PSKH2: variants seen among roughly 807,000 people sequenced by gnomAD.
PSKH2 encodes the protein serine/threonine-protein kinase H2.
Under a neutral mutation model 22.5 loss-of-function variants are expected in PSKH2, and 16 were observed. The ratio of observed to expected loss-of-function variants is 0.71; its 90% CI spans 0.48 to 1.08. The LOEUF is 1.08. Among genes scored for constraint, PSKH2 ranks in the 50% least tolerant of loss-of-function variants. The pLI, the probability that PSKH2 is intolerant of heterozygous loss-of-function variation, is 0.00. For synonymous variants in PSKH2, 188 were observed against 184.8 expected (o/e 1.02, Z -0.14); for missense variants, 516 against 492.8 (o/e 1.05, Z -0.44).
intron 2 of PSKH2, among the ~76,000 whole-genome samples, chr8:86,050,968 C>T (rs1817622352): frequency 6.6e-6 from 1 of 152,030 alleles, no homozygotes; most frequent in Non-Finnish European, 1.5e-5. Context: ...GACTTGAACT[C>T]CTCCTGGTCT....
intron 2 of PSKH2, among the ~76,000 whole-genome samples, chr8:86,051,462 G>A (rs1817629227): frequency 6.6e-6 from 1 of 152,092 alleles, no homozygotes; most frequent in African/African-American, 2.4e-5. Context: ...TTAGGTAAAT[G>A]AGACATGAGA....
chr8:86,053,871 G>A (rs1044546491), intron 2 of PSKH2, among the ~76,000 whole-genome samples: 1 of 152,090 alleles, frequency 6.6e-6, no homozygotes, highest in African/African-American at 2.4e-5. Context: ...GTGAGACACT[G>A]TCTCTACATA....
chr8:86,068,739 AC>A (rs1198256086), intron 1 of PSKH2, among the ~76,000 whole-genome samples: 17 of 152,170 alleles, frequency 1.1e-4, no homozygotes, highest in Admixed American at 1.1e-3. Context: ...AAGATCCTTC[AC>A]ACACCAGGTC....
chr8:86,069,383 A>T, intron 1 of PSKH2, 55 bp downstream of exon 1: 2 of 1,470,916 alleles, frequency 1.4e-6, no homozygotes, highest in Non-Finnish European at 1.8e-6. Context: ...GGTCTTGGCC[A>T]GGGGTTTTTC....
Position 86,064,633 on chromosome 8 carries a change from T to G in PSKH2, c.186-2A>C, listed in dbSNP as rs771223718. ...CCAATAAGAGCTTTGATGTCATATC[T>G]GTTGGGAAGAAAAACCAAACATGTT... On this transcript the variant is annotated splice_acceptor_variant, in intron 1 of 2. Transcript: ENST00000276616. LOFTEE classifies it high-confidence loss of function. The G allele has an allele frequency of 4.4e-6, 7 of 1,603,018 alleles. No individual in the cohort carries two copies. The highest frequency in any genetic ancestry group is 6.0e-6 in the Non-Finnish European group (7 of 1,175,914).
At chr8:86,049,747 A>G (rs199769142) in intron 2 of PSKH2, among the ~76,000 whole-genome samples, 2,237 of 11,364 alleles carry the variant, frequency 0.2, 209 homozygotes, top group East Asian at 0.39. Context: ...AGAAAGAAAG[A>G]AACGAAAGAA....
At chr8:86,064,833 G>T (rs187050220) in intron 1 of PSKH2, among the ~76,000 whole-genome samples, 1 of 152,180 alleles carries the variant, frequency 6.6e-6, no homozygotes, top group Admixed American at 6.5e-5. Flanking sequence ...AAGGTAATTT[G>T]TTGGTAGAAA....
At chr8:86,055,849 C>T (rs1208466296) in intron 2 of PSKH2, among the ~76,000 whole-genome samples, 1 of 152,078 alleles carries the variant, frequency 6.6e-6, no homozygotes, top group Non-Finnish European at 1.5e-5. Flanking sequence ...CATGTTACTT[C>T]TAAAAGAGAA....
rs1264988008 is a variant in PSKH2, at chr8:86,069,619, C to T, written c.4G>A (p.Gly2Arg). 2 of 1,571,698 alleles carry T rather than the reference C, an allele frequency of 1.3e-6. No homozygotes were observed. Among genetic ancestry groups the T allele is most frequent in the Non-Finnish European group, 1.7e-6 (2 of 1,162,866 alleles). The change falls in exon 1 of 3, where the codon GGG (glycine) becomes AGG (arginine). Residue 2 changes from glycine (G) to arginine (R), a missense_variant. Coordinates refer to ENST00000276616, the MANE Select transcript of PSKH2 (RefSeq NM_033126.3). M[G>R]CGASRKVVPG... ...ACCACCTTCCTGCTGGCGCCGCACCCCATACCCGCAACACGCCCGCCGCTC... is the reference window on the plus strand; with the variant it reads ...ACCACCTTCCTGCTGGCGCCGCACCTCATACCCGCAACACGCCCGCCGCTC...
chr8:86,060,857 G>T (rs1465626572), intron 2 of PSKH2, among the ~76,000 whole-genome samples: 1 of 152,188 alleles, frequency 6.6e-6, no homozygotes, highest in Non-Finnish European at 1.5e-5. Context: ...AACAGAGGGT[G>T]CCTTGCACCT....
At chr8:86,048,929 C>A (rs1349691864) in intron 2 of PSKH2, among the ~76,000 whole-genome samples, 162 bp from the exon 3 acceptor site, 1 of 152,076 alleles carries the variant, frequency 6.6e-6, no homozygotes, top group Non-Finnish European at 1.5e-5. Flanking sequence ...TATAGAGGAA[C>A]TAAACCACTT....
chr8:86,049,254 C>T (rs1817575554), intron 2 of PSKH2, among the ~76,000 whole-genome samples: 1 of 152,124 alleles, frequency 6.6e-6, no homozygotes, highest in East Asian at 1.9e-4. Flanking sequence ...TCAACTTTTC[C>T]CTCCCTTTGA....
intron 2 of PSKH2, among the ~76,000 whole-genome samples, chr8:86,060,497 T>C (rs577712097): frequency 9.6e-4 from 146 of 152,292 alleles, no homozygotes; most frequent in Non-Finnish European, 1.9e-3. Flanking sequence ...CATGATGATA[T>C]ACTTTTCTGA....
At chr8:86,062,637 A>G (rs1441340622) in intron 2 of PSKH2, among the ~76,000 whole-genome samples, 1 of 152,032 alleles carries the variant, frequency 6.6e-6, no homozygotes, top group Admixed American at 6.6e-5. Context: ...AGAAGGTCCA[A>G]GCTTGCTTCC....
intron 2 of PSKH2, among the ~76,000 whole-genome samples, chr8:86,053,076 C>A (rs908581319): frequency 3.3e-5 from 5 of 152,196 alleles, no homozygotes; most frequent in Admixed American, 3.3e-4. Context: ...TCAGAGAAGT[C>A]AGAAATGATT....
intron 1 of PSKH2, among the ~76,000 whole-genome samples, chr8:86,068,683 G>A (rs942451513): frequency 6.6e-6 from 1 of 152,090 alleles, no homozygotes; most frequent in Non-Finnish European, 1.5e-5. Flanking sequence ...ACTCAAAGGC[G>A]CATCTCTAGT....
At chr8:86,060,877 G>C (rs1817768085) in intron 2 of PSKH2, among the ~76,000 whole-genome samples, 1 of 152,152 alleles carries the variant, frequency 6.6e-6, no homozygotes, top group Admixed American at 6.6e-5. Flanking sequence ...TCCCACCATG[G>C]AGATGCTGTT....
At position 86,066,893 on chromosome 8, in the gene PSKH2, C is replaced by A. The variant is rs928910839; in HGVS notation, c.186-2262G>T. The stretch of plus-strand genomic sequence containing the variant: ...CCAACTCTGCTTTTCTATTCACATG[C>A]ATTCTCAGTGTGATTTTGAAGATAA... On this transcript the variant is annotated intron_variant, in intron 1 of 2. Transcript: ENST00000276616. Among the ~76,000 whole-genome samples, 170 of 152,276 alleles carry A rather than the reference C, an allele frequency of 1.1e-3. 1 individual carries two copies. The highest frequency in any genetic ancestry group is 3.9e-3 in the African/African-American group (161 of 41,556).
chr8:86,056,968 C>T (rs1349303985), intron 2 of PSKH2, among the ~76,000 whole-genome samples: 2 of 148,916 alleles, frequency 1.3e-5, no homozygotes, highest in South Asian at 2.1e-4. Flanking sequence ...AGGTCTCACT[C>T]TGTTACCCAG....
Sources: gnomAD v4.1 joint callset for allele counts (sites outside exome capture counted in the v4.1 genomes callset) on GRCh38, gnomAD v4.1.1 for gene constraint, MANE v1.5 for transcripts, NCBI Gene and HGNC (gene_info 2026-07-23, HGNC 2026-07-21) for gene names.